The following BAHCC1 variants were observed in gnomAD, a reference collection of about 807,000 sequenced individuals.
BAHCC1 encodes the protein BAH domain and coiled-coil containing 1, also known as BAH and coiled-coil domain-containing protein 1.
A neutral mutation model predicts 88.2 loss-of-function variants in BAHCC1; 43 were observed. That is an observed-to-expected ratio of 0.49 (90% CI 0.38 to 0.63). The LOEUF is 0.63. BAHCC1 is among the 20% of genes least tolerant of loss of function. The probability of loss-of-function intolerance (pLI) is 0.00; values close to 1 mark genes in which losing one functional copy is unlikely to be tolerated. For synonymous variants in BAHCC1, 1,510 were observed against 745.5 expected, an observed-to-expected ratio of 2.03 and a Z score of -16.71; for missense variants, 3,023 against 1,654.8, an observed-to-expected ratio of 1.83 and a Z score of -14.34.
At position 81,444,341 on chromosome 17, in the gene BAHCC1, C is replaced by T. The variant is rs370194318; in HGVS notation, c.2325-40C>T. Reference sequence around the variant, plus strand: ...GCCGGGGGTGGGATGGGGAGCTGGGCCTTGGCGCCGGCGGCAGGGCTGAGC... The same window carrying T: ...GCCGGGGGTGGGATGGGGAGCTGGGTCTTGGCGCCGGCGGCAGGGCTGAGC... On this transcript the variant is annotated intron_variant, in intron 6 of 27. Transcript: ENST00000675386. 5.6e-4 allele frequency: 401 copies of T among 710,106 alleles called. 5 individuals carry two copies. Among genetic ancestry groups the T allele is most frequent in the Non-Finnish European group, 1.0e-4 (40 of 385,062 alleles). The allele number at this position is 710,106 out of a possible 1,614,324, so 44.0% of individuals were successfully genotyped here.
At chr17:81,436,869 G>C (rs542839441) in intron 3 of BAHCC1, among the ~76,000 whole-genome samples, 1 of 151,450 alleles carries the variant, frequency 6.6e-6, no homozygotes, top group South Asian at 2.1e-4. Flanking sequence ...CCGTGTCGCA[G>C]GACTTCCCAG....
At chr17:81,405,154 G>A (rs979352548) in intron 2 of BAHCC1, among the ~76,000 whole-genome samples, 1 of 152,172 alleles carries the variant, frequency 6.6e-6, no homozygotes, top group African/African-American at 2.4e-5. Flanking sequence ...TGCAACCTCT[G>A]CCTCCCTGGT....
intron 2 of BAHCC1, among the ~76,000 whole-genome samples, chr17:81,422,123 C>T (rs986295250): frequency 1.3e-5 from 2 of 152,116 alleles, no homozygotes; most frequent in Admixed American, 6.5e-5. Context: ...GCAATTCTCC[C>T]GCCTCAGCCT....
At chr17:81,433,784 C>T (rs1475205359) in intron 3 of BAHCC1, among the ~76,000 whole-genome samples, 1 of 152,202 alleles carries the variant, frequency 6.6e-6, no homozygotes, top group Admixed American at 6.5e-5. Flanking sequence ...CATCATCCGT[C>T]AACTACAGCA....
chr17:81,460,378 C>T lies in BAHCC1; in HGVS notation c.6007C>T (p.Pro2003Ser), dbSNP rs782180359. ...IAVSNVRLLPPDFKIQCTEPS... is the reference protein window; with the variant it reads ...IAVSNVRLLPSDFKIQCTEPS... Reference sequence around the variant, plus strand: ...CGTCTCCAACGTCAGGCTGCTGCCCCCTGACTTCAAGATCCAGTGTGAGCC... The same window carrying T: ...CGTCTCCAACGTCAGGCTGCTGCCCTCTGACTTCAAGATCCAGTGTGAGCC... Residue 2003 changes from proline (P) to serine (S), a missense_variant, in exon 24 of 28, where the codon CCT becomes TCT. Coordinates refer to ENST00000675386, the MANE Select transcript of BAHCC1 (RefSeq NM_001377448.1). The T allele has an allele frequency of 2.6e-6, 2 of 768,428 alleles. No individual in the cohort carries two copies. Among genetic ancestry groups the T allele is most frequent in the Non-Finnish European group, 4.8e-6 (2 of 412,536 alleles). 47.6% of individuals were successfully genotyped at this position (768,428 alleles called of 1,614,324 possible).
chr17:81,461,294 G>A lies in BAHCC1; in HGVS notation c.6631G>A (p.Asp2211Asn). 1.4e-6 allele frequency: 1 copy of A among 711,354 alleles called. No individual in the cohort carries two copies. Among genetic ancestry groups the A allele is most frequent in the Middle Eastern group, 2.3e-4 (1 of 4,256 alleles). 44.1% of individuals were successfully genotyped at this position (711,354 alleles called of 1,614,324 possible). ...RAGGEFLVKL[D>N]HEGVTSPKNK... ...GGGCGGTGAGTTCCTGGTCAAGCTG[G>A]ACCACGAGGGTGTGACCTCCCCCAA... is the stretch of plus-strand genomic sequence containing the variant. Residue 2211 changes from aspartate (D) to asparagine (N), a missense_variant, in exon 26 of 28, where the codon GAC (aspartate) becomes AAC (asparagine). Physicochemically the swap from Asp to Asn is conservative, Grantham distance 23. Transcript: ENST00000675386.
intron 6 of BAHCC1, 170 bp downstream of exon 6, chr17:81,444,087 G>A: frequency 1.6e-6 from 1 of 608,258 alleles, no homozygotes; most frequent in Non-Finnish European, 2.9e-6. Context: ...GTCTCACCCG[G>A]GGTTGGGGGT....
intron 2 of BAHCC1, chr17:81,401,672 C>T (rs1289219376): frequency 6.6e-6 from 1 of 152,238 alleles, no homozygotes; most frequent in African/African-American, 2.4e-5. Flanking sequence ...TGTGTGCACC[C>T]CACCTCCACT....
At chr17:81,437,547 C>T (rs569149839) in intron 3 of BAHCC1, among the ~76,000 whole-genome samples, 1 of 152,386 alleles carries the variant, frequency 6.6e-6, no homozygotes, top group African/African-American at 2.4e-5. Flanking sequence ...GTGCTTCATC[C>T]CTTGGGTGGG....
intron 8 of BAHCC1, 41 bp downstream of exon 8, chr17:81,444,867 T>C (rs1555653898): frequency 1.3e-6 from 1 of 746,504 alleles, no homozygotes. Flanking sequence ...TGGGGGGTGC[T>C]GTTGGAAGGA....
Position 81,447,530 on chromosome 17 carries a change from C to T in BAHCC1, c.3658C>T (p.Pro1220Ser). 1 of 753,596 alleles carries T rather than the reference C, an allele frequency of 1.3e-6. No individual in the cohort carries two copies. The highest frequency in any genetic ancestry group is 2.5e-6 in the Non-Finnish European group (1 of 405,394). 46.7% of individuals were successfully genotyped at this position (753,596 alleles called of 1,614,324 possible). A position where few individuals can be genotyped will look rare whatever the true frequency, so the allele number is the denominator to read the frequency against. The change falls in exon 11 of 28, where the codon CCG (proline) becomes TCG (serine). Residue 1220 changes from proline to serine, a missense_variant. Pro to Ser is a moderately conservative substitution (Grantham distance 74). Transcript: ENST00000675386. ...PGALEDEGEQ[P>S]APEEDELEED... ...TGCCCTTGAGGACGAGGGGGAGCAG[C>T]CGGCCCCTGAGGAGGACGAGCTGGA...
chr17:81,455,470 C>T, intron 15 of BAHCC1, 80 bp downstream of exon 15: 1 of 674,634 alleles, frequency 1.5e-6, no homozygotes, highest in Non-Finnish European at 2.7e-6. Context: ...CAGACTCTCC[C>T]CAGCCCTGTG....
At chr17:81,405,808 C>A (rs2063871531) in intron 2 of BAHCC1, among the ~76,000 whole-genome samples, 1 of 152,216 alleles carries the variant, frequency 6.6e-6, no homozygotes, top group Non-Finnish European at 1.5e-5. Flanking sequence ...GTCCTCTGTC[C>A]TCTGCCCTCT....
chr17:81,457,360 A>G (rs2064768269), intron 16 of BAHCC1, 50 bp from the exon 17 acceptor site: 2 of 730,888 alleles, frequency 2.7e-6, no homozygotes. Flanking sequence ...CCACCTCTCA[A>G]TGGCACAGCT....
chr17:81,463,866 G>A lies in BAHCC1; in HGVS notation c.*49G>A. The A allele has an allele frequency of 1.4e-6, 1 of 695,394 alleles. No homozygotes were observed. The highest frequency in any genetic ancestry group is 2.6e-6 in the Non-Finnish European group (1 of 380,232). The allele number at this position is 695,394 out of a possible 1,614,324, so 43.1% of individuals were successfully genotyped here. A position where few individuals can be genotyped will look rare whatever the true frequency, so the allele number is the denominator to read the frequency against. On this transcript the variant is annotated 3_prime_UTR_variant, in exon 28 of 28. Coordinates refer to ENST00000675386, the MANE Select transcript of BAHCC1 (RefSeq NM_001377448.1). The stretch of plus-strand genomic sequence containing the variant: ...ACGTGCGCCAGGGACCCTGTGTGCG[G>A]AGCCTGGCGTCGGCCAAGCCACCGG...
At chr17:81,439,960 C>G (rs1485255678) in intron 4 of BAHCC1, among the ~76,000 whole-genome samples, 3 of 152,178 alleles carry the variant, frequency 2.0e-5, no homozygotes, top group Admixed American at 6.5e-5. Context: ...ACTTCCTCGC[C>G]TGCAGGAGCC....
intron 2 of BAHCC1, among the ~76,000 whole-genome samples, chr17:81,422,242 C>T (rs373309988): frequency 2.0e-5 from 3 of 152,218 alleles, no homozygotes; most frequent in African/African-American, 7.2e-5. Context: ...GAACTCCTCA[C>T]CTCAAGTGAT....
At chr17:81,425,768 A>ATAGTGGTGGG (rs2064183908) in intron 2 of BAHCC1, among the ~76,000 whole-genome samples, 1 of 104,672 alleles carries the variant, frequency 9.6e-6, no homozygotes, top group Non-Finnish European at 1.8e-5. Context: ...GTTGGTGGTG[A>ATAGTGGTGGG]TGTGGTTGGT....
chr17:81,421,501 A>G (rs1320295993), intron 2 of BAHCC1, among the ~76,000 whole-genome samples: 1 of 152,198 alleles, frequency 6.6e-6, no homozygotes, highest in Non-Finnish European at 1.5e-5. Context: ...GGAGGGCCTC[A>G]GGTGGCCGGC....
Sources: allele counts gnomAD v4.1 joint callset (sites outside exome capture counted in the v4.1 genomes callset), GRCh38; gene constraint gnomAD v4.1.1; transcripts MANE v1.5; gene names NCBI Gene and HGNC (gene_info 2026-07-23, HGNC 2026-07-21).